Variants in FAM168A observed in about 807,000 individuals in gnomAD.
FAM168A encodes protein FAM168A.
A neutral mutation model predicts 28.5 loss-of-function variants in FAM168A; 3 were observed. The observed-to-expected ratio is 0.11, with a 90% CI of 0.05 to 0.27. The LOEUF (loss-of-function observed/expected upper bound fraction) is 0.27. Among genes scored for constraint, FAM168A ranks in the 10% least tolerant of loss-of-function variants. FAM168A has a pLI of 1.00. For synonymous variants in FAM168A, 122 were observed against 124.2 expected (o/e 0.98, Z 0.12); for missense variants, 222 against 311.5 (o/e 0.71, Z 2.16).
intron 1 of FAM168A, among the ~76,000 whole-genome samples, chr11:73,531,086 T>A (rs891961412): frequency 6.6e-6 from 1 of 152,138 alleles, no homozygotes; most frequent in Non-Finnish European, 1.5e-5. Flanking sequence ...TAATGGAGGA[T>A]GACAAGCACT....
chr11:73,521,965 G>A (rs569460980), intron 1 of FAM168A, among the ~76,000 whole-genome samples: 1 of 152,224 alleles, frequency 6.6e-6, no homozygotes, highest in East Asian at 1.9e-4. Flanking sequence ...GTTAAGGAGG[G>A]AATTCTCAAG....
At chr11:73,569,197 C>T (rs904579034) in intron 1 of FAM168A, among the ~76,000 whole-genome samples, 2 of 152,148 alleles carry the variant, frequency 1.3e-5, no homozygotes, top group African/African-American at 4.8e-5. Context: ...CAGGAGAAAG[C>T]ATAGGATATA....
At position 73,419,890 on chromosome 11, in the gene FAM168A, T is replaced by G. The variant is rs1449405873; in HGVS notation, c.261A>C (p.Ala87=). Residue 87 remains alanine (A), a synonymous_variant, in exon 4 of 8, where the codon GCA becomes GCC. Transcript: ENST00000356467. ...TGTATTTACTGAAAGCCGCAGAGGATGCTTGGTAAGTTCGGTTCTCGGTCC... is the reference window on the plus strand; with the variant it reads ...TGTATTTACTGAAAGCCGCAGAGGAGGCTTGGTAAGTTCGGTTCTCGGTCC... ...DTGTENRTYQ[A]SSAAFRYTAG... The G allele has an allele frequency of 6.2e-7, 1 of 1,613,948 alleles. No individual in the cohort carries two copies.
chr11:73,597,564 T>A (rs1944451238), intron 1 of FAM168A, among the ~76,000 whole-genome samples: 1 of 151,114 alleles, frequency 6.6e-6, no homozygotes, highest in South Asian at 2.1e-4. Flanking sequence ...CCACCCTCAT[T>A]CAGTCCCCTC....
Position 73,430,581 on chromosome 11 carries a change from G to A in FAM168A, c.151+109C>T, listed in dbSNP as rs553166030. 1.0e-3 allele frequency: 1,024 copies of A among 1,007,970 alleles called. 5 individuals are homozygous for A. In the African/African-American group the frequency reaches 0.014, roughly 14 times the overall value. The allele number at this position is 1,007,970 out of a possible 1,614,324, so 62.4% of individuals were successfully genotyped here. A position where few individuals can be genotyped will look rare whatever the true frequency, so the allele number is the denominator to read the frequency against. ...CAGGAAAATCCAGCCTGGAGAGGCT[G>A]CGCCCGGAGCAATTAAGAACAGGAA... is the stretch of plus-strand genomic sequence containing the variant. On this transcript the variant is annotated intron_variant, in intron 3 of 7. Transcript: ENST00000356467.
intron 1 of FAM168A, among the ~76,000 whole-genome samples, chr11:73,583,593 GA>G (rs1211296204): frequency 3.9e-5 from 6 of 152,170 alleles, no homozygotes; most frequent in African/African-American, 1.4e-4. Context: ...GGAAATCACG[GA>G]AAACCTTCTG....
At chr11:73,544,734 A>T (rs1450681480) in intron 1 of FAM168A, among the ~76,000 whole-genome samples, 1 of 121,284 alleles carries the variant, frequency 8.2e-6, no homozygotes, top group Non-Finnish European at 1.6e-5. Flanking sequence ...ATATGTAATT[A>T]TATATAATTA....
chr11:73,456,483 C>G (rs897609969), intron 2 of FAM168A, among the ~76,000 whole-genome samples: 5 of 152,054 alleles, frequency 3.3e-5, no homozygotes, highest in African/African-American at 1.2e-4. Flanking sequence ...CACTGTCATG[C>G]AGGGTGATGA....
chr11:73,517,943 A>G (rs745342658), intron 1 of FAM168A, among the ~76,000 whole-genome samples: 4 of 152,232 alleles, frequency 2.6e-5, no homozygotes, highest in African/African-American at 4.8e-5. Context: ...CAATGATTCC[A>G]CTTACTGCCT....
intron 1 of FAM168A, among the ~76,000 whole-genome samples, chr11:73,516,703 CAG>C (rs879781182): frequency 6.6e-5 from 10 of 152,176 alleles, no homozygotes; most frequent in Non-Finnish European, 1.5e-4. Context: ...TGTCTCTAGG[CAG>C]AGTGTCTCAT....
intron 1 of FAM168A, among the ~76,000 whole-genome samples, chr11:73,472,456 C>G (rs532659238): frequency 4.6e-5 from 7 of 152,144 alleles, no homozygotes; most frequent in Middle Eastern, 3.2e-3. Context: ...TAATGAAGGC[C>G]AAATCATGCA....
chr11:73,591,242 G>C (rs537259105), intron 1 of FAM168A, among the ~76,000 whole-genome samples: 15 of 152,254 alleles, frequency 9.9e-5, no homozygotes, highest in African/African-American at 3.1e-4. Flanking sequence ...AGGCAGATCA[G>C]GTTTTTAAAT....
intron 1 of FAM168A, among the ~76,000 whole-genome samples, chr11:73,532,735 T>C (rs1296206220): frequency 6.6e-6 from 1 of 152,250 alleles, no homozygotes; most frequent in Non-Finnish European, 1.5e-5. Flanking sequence ...AATTTCAATG[T>C]TGGTGGCATA....
intron 1 of FAM168A, among the ~76,000 whole-genome samples, chr11:73,488,638 C>T (rs774204631): frequency 4.6e-5 from 7 of 152,164 alleles, no homozygotes; most frequent in Admixed American, 2.6e-4. Flanking sequence ...AGACTCTTAA[C>T]TTCTCTCCTA....
chr11:73,441,329 T>C (rs1325754929), intron 2 of FAM168A, among the ~76,000 whole-genome samples: 1 of 152,188 alleles, frequency 6.6e-6, no homozygotes, highest in East Asian at 1.9e-4. Flanking sequence ...AGTGCTGGGA[T>C]TACAGGCGTG....
chr11:73,433,076 CTTTTTTT>C (rs34994742), intron 2 of FAM168A, among the ~76,000 whole-genome samples: 12 of 80,600 alleles, frequency 1.5e-4, no homozygotes, highest in African/African-American at 2.0e-4. Context: ...CACGCCCCGC[CTTTTTTT>C]TTTTTTTTTT....
At chr11:73,493,529 C>T (rs1271001815) in intron 1 of FAM168A, among the ~76,000 whole-genome samples, 2 of 152,156 alleles carry the variant, frequency 1.3e-5, no homozygotes, top group Non-Finnish European at 1.5e-5. Context: ...CCTCCCAAGG[C>T]CTCAGCCTCC....
chr11:73,478,568 A>G lies in FAM168A; in HGVS notation c.-18-10076T>C, dbSNP rs549989896. ...CAAAATTCTGTAAATTCACAAAAAA[A>G]CACTGTACACTTAAAATGAGTACAT... On this transcript the variant is annotated intron_variant, in intron 1 of 7. Coordinates refer to ENST00000356467, the MANE Select transcript of FAM168A (RefSeq NM_015159.3). 1.2e-3 allele frequency among the ~76,000 whole-genome samples: 177 copies of G among 152,350 alleles called. 1 individual carries two copies. Among genetic ancestry groups the G allele is most frequent in the African/African-American group, 4.1e-3 (169 of 41,578 alleles).
chr11:73,411,023 C>T (rs536129377), intron 5 of FAM168A, among the ~76,000 whole-genome samples: 3 of 152,364 alleles, frequency 2.0e-5, no homozygotes, highest in African/African-American at 7.2e-5. Flanking sequence ...AAGACTAAGA[C>T]GTTGGGGTCT....
Sources: allele counts gnomAD v4.1 joint callset (sites outside exome capture counted in the v4.1 genomes callset), GRCh38; gene constraint gnomAD v4.1.1; transcripts MANE v1.5; gene names NCBI Gene and HGNC (gene_info 2026-07-23, HGNC 2026-07-21).